Variants in OR8J1 observed in about 807,000 individuals in gnomAD.
OR8J1 encodes the protein olfactory receptor 8J1.
For synonymous variants in OR8J1, 157 were observed against 144.3 expected, an observed-to-expected ratio of 1.09 and a Z score of -0.63; for missense variants, 400 against 373.0, an observed-to-expected ratio of 1.07 and a Z score of -0.60.
intron 1 of OR8J1, among the ~76,000 whole-genome samples, chr11:56,355,046 A>T (rs941852775): frequency 6.6e-6 from 1 of 152,006 alleles, no homozygotes; most frequent in African/African-American, 2.4e-5. Flanking sequence ...ATGGGACAAA[A>T]TCTCTATAAC....
rs1479428233 is a variant in OR8J1, at chr11:56,360,642, C to T, written c.396C>T (p.Tyr132=). The change falls in exon 2 of 2, where the codon TAC becomes TAT. Residue 132 remains tyrosine, a synonymous_variant. Transcript: ENST00000533152. ...TGGCTATTTGTAACCCTCTGCTGTA[C>T]ATGGTGGTGGTGTCTCGGCGGCTCT... is the stretch of plus-strand genomic sequence containing the variant. ...RYVAICNPLL[Y]MVVVSRRLCL... 1.2e-6 allele frequency: 2 copies of T among 1,612,332 alleles called. No individual in the cohort carries two copies. Among genetic ancestry groups the T allele is most frequent in the African/African-American group, 2.7e-5 (2 of 74,844 alleles).
chr11:56,356,911 A>G (rs1854976214), intron 1 of OR8J1, among the ~76,000 whole-genome samples: 1 of 152,148 alleles, frequency 6.6e-6, no homozygotes, highest in African/African-American at 2.4e-5. Context: ...AAAATGGCAC[A>G]GCTGTTAGTT....
chr11:56,357,848 C>A (rs1854990765), intron 1 of OR8J1: 6 of 935,032 alleles, frequency 6.4e-6, no homozygotes, highest in Non-Finnish European at 1.0e-5. Context: ...CTATCCCTCA[C>A]AGTACCAAAC....
intron 1 of OR8J1, among the ~76,000 whole-genome samples, chr11:56,358,822 T>C (rs1234272974): frequency 2.6e-5 from 4 of 152,106 alleles, no homozygotes. Flanking sequence ...GTTACCAGAG[T>C]AAGAATTCAA....
intron 1 of OR8J1, chr11:56,358,192 A>G: frequency 3.2e-6 from 1 of 309,654 alleles, no homozygotes; most frequent in East Asian, 6.4e-5. Context: ...AAGCTTCCTC[A>G]GAGCTCAGGA....
chr11:56,356,605 A>C (rs751947595), intron 1 of OR8J1, among the ~76,000 whole-genome samples: 7 of 152,212 alleles, frequency 4.6e-5, no homozygotes. Context: ...TTTGGAAATA[A>C]AAGGAAAACT....
intron 1 of OR8J1, among the ~76,000 whole-genome samples, chr11:56,355,584 TGCCATTGCACTCCA>T (rs1854957561): frequency 6.6e-6 from 1 of 151,984 alleles, no homozygotes; most frequent in East Asian, 1.9e-4. Flanking sequence ...GCCGAGACCG[TGCCATTGCACTCCA>T]GCCTGGGTGA....
At chr11:56,357,360 T>C in intron 1 of OR8J1, 1 of 703,950 alleles carries the variant, frequency 1.4e-6, no homozygotes, top group Non-Finnish European at 2.5e-6. Context: ...AGGCCTACTT[T>C]AAGAGATATA....
chr11:56,359,742 GCA>G (rs1170090758), intron 1 of OR8J1, among the ~76,000 whole-genome samples: 1 of 152,082 alleles, frequency 6.6e-6, no homozygotes, highest in African/African-American at 2.4e-5. Flanking sequence ...AGTTAAATGT[GCA>G]TAATACACAT....
In OR8J1 at chr11:56,360,407, G is replaced by C. The variant is rs752525289; in HGVS notation, c.161G>C (p.Arg54Pro). ...ATCACCCTCACCAGTGTTGACTCTCGACTTCAAACCCCCATGTACTTTTTC... is the reference window on the plus strand; with the variant it reads ...ATCACCCTCACCAGTGTTGACTCTCCACTTCAAACCCCCATGTACTTTTTC... ...GIITLTSVDS[R>P]LQTPMYFFLQ... is the part of the protein sequence containing the mutation. Residue 54 changes from arginine (R) to proline (P), a missense_variant, in exon 2 of 2, where the codon CGA (arginine) becomes CCA (proline). Coordinates refer to ENST00000533152, the MANE Select transcript of OR8J1 (RefSeq NM_001005205.3). 1 of 1,614,026 alleles carries C rather than the reference G, an allele frequency of 6.2e-7. No homozygotes were observed. Among genetic ancestry groups the C allele is most frequent in the Non-Finnish European group, 8.5e-7 (1 of 1,179,992 alleles).
Position 56,354,752 on chromosome 11 carries a change from T to C in OR8J1, c.-21+427T>C, listed in dbSNP as rs553323672. On this transcript the variant is annotated intron_variant, in intron 1 of 1. Transcript: ENST00000533152. ...TGATGCCCCTTTTTGAGAATACAAG[T>C]TTAGAATGCAAGTATTCTCAGAAAA... 2.1e-3 allele frequency among the ~76,000 whole-genome samples: 316 copies of C among 152,314 alleles called. 1 individual carries two copies. Among genetic ancestry groups the C allele is most frequent in the African/African-American group, 7.2e-3 (298 of 41,574 alleles).
intron 1 of OR8J1, chr11:56,357,774 G>T (rs1197276728): frequency 1.4e-6 from 2 of 1,424,938 alleles, no homozygotes; most frequent in African/African-American, 1.4e-5. Context: ...TGCAGGCCTT[G>T]CCAGAACTAC....
chr11:56,360,564 C>T lies in OR8J1; in HGVS notation c.318C>T (p.Phe106=), dbSNP rs775507485. Reference sequence around the variant, plus strand: ...CCACCCAACTGGGAGGGTTCTTGTTCTTTATTGTATCGGAGGTAATCATGC... The same window carrying T: ...CCACCCAACTGGGAGGGTTCTTGTTTTTTATTGTATCGGAGGTAATCATGC... ...ECATQLGGFL[F]FIVSEVIMLA... The change falls in exon 2 of 2, where the codon TTC becomes TTT. Residue 106 remains phenylalanine, a synonymous_variant. Transcript: ENST00000533152. 7.4e-6 allele frequency: 12 copies of T among 1,613,892 alleles called. No individual in the cohort carries two copies. The Admixed American group carries it at 1.2e-4, about 16-fold the overall frequency.
intron 1 of OR8J1, among the ~76,000 whole-genome samples, chr11:56,356,770 A>G (rs1854974595): frequency 6.6e-6 from 1 of 152,240 alleles, no homozygotes; most frequent in Non-Finnish European, 1.5e-5. Flanking sequence ...GCCTAACCAC[A>G]TCAATATCCT....
At chr11:56,354,650 T>C (rs1386440357) in intron 1 of OR8J1, among the ~76,000 whole-genome samples, 1 of 152,190 alleles carries the variant, frequency 6.6e-6, no homozygotes, top group Non-Finnish European at 1.5e-5. Context: ...ATTGCAATAT[T>C]ATTTACAATA....
rs77431564 is a variant in OR8J1 at position 56,361,320 on chromosome 11, C to A, written c.*123C>A. 2,104 of 405,168 alleles carry A rather than the reference C, an allele frequency of 5.2e-3. 36 individuals are homozygous for A. The highest frequency in any genetic ancestry group is 0.038 in the African/African-American group (1,851 of 48,712). 25.1% of individuals were successfully genotyped at this position (405,168 alleles called of 1,614,324 possible). Reference sequence around the variant, plus strand: ...GGTTCGTAAGCAATCATAAGAATTACAACAAGATACAATTTAGGGAGCTTT... The same window carrying A: ...GGTTCGTAAGCAATCATAAGAATTAAAACAAGATACAATTTAGGGAGCTTT... On this transcript the variant is annotated 3_prime_UTR_variant, in exon 2 of 2. Transcript: ENST00000533152.
rs773554926 is a variant in OR8J1, at chr11:56,360,825, C to A, written c.579C>A (p.Tyr193Ter). The A allele has an allele frequency of 6.5e-7, 1 of 1,536,268 alleles. No individual in the cohort carries two copies. The highest frequency in any genetic ancestry group is 8.7e-7 in the Non-Finnish European group (1 of 1,148,598). ...PLLALSCSDT[Y>*]LPETVVFISA... ...TAGCATTATCTTGCTCTGATACTTA[C>A]TTACCAGAAACAGTTGTCTTTATAT... The change falls in exon 2 of 2, where the codon TAC (tyrosine) becomes TAA (stop). Residue 193 changes from tyrosine (Y) to a stop codon, truncating the protein, a stop_gained. Coordinates refer to ENST00000533152, the MANE Select transcript of OR8J1 (RefSeq NM_001005205.3). LOFTEE classifies it low-confidence loss of function (END_TRUNC).
intron 1 of OR8J1, among the ~76,000 whole-genome samples, chr11:56,354,887 T>C (rs1018525598): frequency 6.6e-6 from 1 of 152,166 alleles, no homozygotes; most frequent in Non-Finnish European, 1.5e-5. Flanking sequence ...TATCATAAAA[T>C]AAATCTGTTA....
chr11:56,354,565 T>C (rs1172673430), intron 1 of OR8J1, among the ~76,000 whole-genome samples: 1 of 152,212 alleles, frequency 6.6e-6, no homozygotes, highest in Admixed American at 6.5e-5. Context: ...TTATGTCTCA[T>C]GTACTTAAAA....
Sources: gnomAD v4.1 joint callset for allele counts (sites outside exome capture counted in the v4.1 genomes callset) on GRCh38, gnomAD v4.1.1 for gene constraint, MANE v1.5 for transcripts, NCBI Gene and HGNC (gene_info 2026-07-23, HGNC 2026-07-21) for gene names.